The following AUTS2 variants were observed in gnomAD, a reference collection of about 807,000 sequenced individuals.
AUTS2 encodes activator of transcription and developmental regulator AUTS2.
A neutral mutation model predicts 112.4 loss-of-function variants in AUTS2; 17 were observed. That is an observed-to-expected ratio of 0.15 (90% confidence interval 0.10 to 0.23). AUTS2 has a LOEUF of 0.23. AUTS2 is among the 10% of genes least tolerant of loss of function. AUTS2 has a pLI of 1.00. For synonymous variants in AUTS2, 751 were observed against 702.7 expected (o/e 1.07, Z -1.09); for missense variants, 1,510 against 1,701.6 (o/e 0.89, Z 1.98).
At chr7:70,335,958 T>C (rs983693150) in intron 4 of AUTS2, among the ~76,000 whole-genome samples, 1 of 152,216 alleles carries the variant, frequency 6.6e-6, no homozygotes, top group African/African-American at 2.4e-5. Flanking sequence ...ACTTGACAGC[T>C]CACACAATTC....
At chr7:70,340,202 ATAAGT>A (rs1045320293) in intron 4 of AUTS2, among the ~76,000 whole-genome samples, 7 of 151,892 alleles carry the variant, frequency 4.6e-5, no homozygotes, top group Non-Finnish European at 1.0e-4. Context: ...ACACCCCGTA[ATAAGT>A]TAAGAGTCTT....
intron 5 of AUTS2, among the ~76,000 whole-genome samples, chr7:70,466,536 A>G (rs1226015460): frequency 6.6e-6 from 1 of 152,250 alleles, no homozygotes; most frequent in South Asian, 2.1e-4. Flanking sequence ...CTTAAAATGT[A>G]AGGTGAAATA....
At chr7:70,397,071 T>A (rs1002608507) in intron 4 of AUTS2, among the ~76,000 whole-genome samples, 5 of 151,974 alleles carry the variant, frequency 3.3e-5, no homozygotes, top group Admixed American at 1.3e-4. Context: ...TTTATTATTT[T>A]TTTTTTTTTG....
Position 69,899,179 on chromosome 7 carries a change from C to G in AUTS2, c.310-107C>G. The stretch of plus-strand genomic sequence containing the variant: ...CTTCTCATATCCCACTTTCCTATCC[C>G]TCTCCCACTTAGTAGTAACACCCTT... On this transcript the variant is annotated intron_variant, in intron 1 of 18. Coordinates refer to ENST00000342771, the MANE Select transcript of AUTS2 (RefSeq NM_015570.4). 3 of 798,424 alleles carry G rather than the reference C, an allele frequency of 3.8e-6. 1 individual carries two copies. The highest frequency in any genetic ancestry group is 3.4e-5 in the South Asian group (2 of 59,324). The allele number at this position is 798,424 out of a possible 1,614,324, so 49.5% of individuals were successfully genotyped here. A position where few individuals can be genotyped will look rare whatever the true frequency, so the allele number is the denominator to read the frequency against.
chr7:70,227,335 T>C (rs1811819706), intron 4 of AUTS2, among the ~76,000 whole-genome samples: 1 of 130,214 alleles, frequency 7.7e-6, no homozygotes, highest in Admixed American at 7.4e-5. Context: ...AAACAACCTT[T>C]TTAAAGGTTT....
At chr7:69,766,203 G>A (rs2129291977) in intron 1 of AUTS2, among the ~76,000 whole-genome samples, 1 of 152,262 alleles carries the variant, frequency 6.6e-6, no homozygotes, top group South Asian at 2.1e-4. Flanking sequence ...ATCATATAGT[G>A]TTTGTCTTTT....
intron 5 of AUTS2, among the ~76,000 whole-genome samples, chr7:70,484,068 G>T (rs192051401): frequency 2.0e-5 from 3 of 152,284 alleles, no homozygotes; most frequent in Admixed American, 1.3e-4. Flanking sequence ...TTTGTTGCAA[G>T]TTACAAATCA....
chr7:69,871,596 GTC>G (rs937399498), intron 1 of AUTS2, among the ~76,000 whole-genome samples: 2 of 152,112 alleles, frequency 1.3e-5, no homozygotes, highest in Admixed American at 1.3e-4. Context: ...TGTGAATGTG[GTC>G]TCTCTCTCAA....
intron 2 of AUTS2, among the ~76,000 whole-genome samples, chr7:70,063,697 C>A (rs1802361321): frequency 6.6e-6 from 1 of 152,274 alleles, no homozygotes; most frequent in Middle Eastern, 3.4e-3. Flanking sequence ...TTGTTAGGCC[C>A]TTCTCTCTTT....
intron 2 of AUTS2, among the ~76,000 whole-genome samples, chr7:69,964,128 A>T (rs558285126): frequency 2.0e-5 from 3 of 152,146 alleles, no homozygotes; most frequent in Non-Finnish European, 4.4e-5. Context: ...CTATCCTACC[A>T]TATTACCTGA....
chr7:70,738,329 A>G (rs1787889544), intron 6 of AUTS2, among the ~76,000 whole-genome samples: 2 of 151,996 alleles, frequency 1.3e-5, no homozygotes, highest in Admixed American at 6.5e-5. Context: ...CTGCTGGAGC[A>G]GATGAAAAGG....
chr7:69,972,997 T>A (rs1390845904), intron 2 of AUTS2, among the ~76,000 whole-genome samples: 1 of 152,178 alleles, frequency 6.6e-6, no homozygotes, highest in Non-Finnish European at 1.5e-5. Context: ...TTCCGGTGTT[T>A]TGATAAGAAT....
At chr7:70,044,418 C>T (rs891876250) in intron 2 of AUTS2, among the ~76,000 whole-genome samples, 28 of 152,086 alleles carry the variant, frequency 1.8e-4, no homozygotes, top group Non-Finnish European at 4.1e-4. Flanking sequence ...CATTCTCCTT[C>T]CCCCCACCCT....
intron 4 of AUTS2, among the ~76,000 whole-genome samples, chr7:70,196,850 A>G (rs535282887): frequency 6.6e-6 from 1 of 152,210 alleles, no homozygotes; most frequent in African/African-American, 2.4e-5. Flanking sequence ...CTTGTGAAGT[A>G]AGAAAAGGTA....
intron 4 of AUTS2, among the ~76,000 whole-genome samples, chr7:70,361,378 A>T (rs1398838209): frequency 6.6e-6 from 1 of 152,088 alleles, no homozygotes; most frequent in Non-Finnish European, 1.5e-5. Context: ...GATAATGACG[A>T]TAGAGCAAAG....
intron 18 of AUTS2, among the ~76,000 whole-genome samples, 197 bp from the exon 19 acceptor site, chr7:70,789,551 G>T (rs566794129): frequency 6.6e-6 from 1 of 152,090 alleles, no homozygotes; most frequent in East Asian, 1.9e-4. Flanking sequence ...CCCCCATTAA[G>T]CTTCCTCTAA....
intron 4 of AUTS2, among the ~76,000 whole-genome samples, chr7:70,283,207 C>T (rs1788303760): frequency 1.3e-5 from 2 of 152,178 alleles, no homozygotes; most frequent in Non-Finnish European, 2.9e-5. Flanking sequence ...GGAGAAATTG[C>T]TCTACCTGGA....
rs78671401 is a variant in AUTS2 at position 70,631,580 on chromosome 7, C to G, written c.691-66989C>G. The stretch of plus-strand genomic sequence containing the variant: ...GGCCCCGAGGCCACAGGTTCTGTCC[C>G]AGATGTTCTCAGCACCATTTTAGCG... On this transcript the variant is annotated intron_variant, in intron 5 of 18. Transcript: ENST00000342771. This position sits in a 1 kb window ranked among gnomAD's most constrained non-coding sequence, Gnocchi z 4.5. Among the ~76,000 whole-genome samples the G allele has an allele frequency of 8.5e-3, 1,290 of 152,254 alleles. 22 individuals carry two copies. Among genetic ancestry groups the G allele is most frequent in the African/African-American group, 0.029 (1,225 of 41,540 alleles).
At chr7:70,681,805 C>CA (rs1175289464) in intron 5 of AUTS2, among the ~76,000 whole-genome samples, 5 of 152,142 alleles carry the variant, frequency 3.3e-5, no homozygotes, top group African/African-American at 1.2e-4. Context: ...ACGGGGGCTC[C>CA]ACCTCCTCTC....
Sources: gnomAD v4.1 joint callset for allele counts (sites outside exome capture counted in the v4.1 genomes callset) on GRCh38, gnomAD v4.1.1 for gene constraint, Gnocchi (gnomAD v3.1) non-coding constraint, MANE v1.5 for transcripts, NCBI Gene and HGNC (gene_info 2026-07-23, HGNC 2026-07-21) for gene names.